LRRC7: variants seen among roughly 807,000 people sequenced by gnomAD.
The protein encoded by LRRC7 is leucine-rich repeat-containing protein 7.
In LRRC7, 23 loss-of-function variants were observed where a neutral mutation model predicts 175.7. The observed-to-expected ratio is 0.13, with a 90% confidence interval of 0.09 to 0.19. The LOEUF (loss-of-function observed/expected upper bound fraction) is 0.19, where lower values mean the gene tolerates loss of function less well. Among genes scored for constraint, LRRC7 ranks in the 10% least tolerant of loss-of-function variants. The pLI is 1.00. For synonymous variants in LRRC7, 685 were observed against 680.9 expected (o/e 1.01, Z -0.09); for missense variants, 1,354 against 1,904.7 (o/e 0.71, Z 5.38).
At chr1:69,671,383 T>C (rs1659051438) in intron 1 of LRRC7, among the ~76,000 whole-genome samples, 1 of 152,116 alleles carries the variant, frequency 6.6e-6, no homozygotes. Context: ...AGACAAAGTT[T>C]TCTTACTCTT....
At chr1:70,104,625 GA>G (rs1309541610) in intron 25 of LRRC7, among the ~76,000 whole-genome samples, 1 of 152,078 alleles carries the variant, frequency 6.6e-6, no homozygotes, top group Non-Finnish European at 1.5e-5. Flanking sequence ...ATAATAAAGT[GA>G]AATCATAAAA....
In LRRC7 at chr1:69,930,864, CATGAG is replaced by C. The variant is rs1237126837; in HGVS notation, c.648-641_648-637del. Among the ~76,000 whole-genome samples, 1,230 of 152,266 alleles carry C rather than the reference CATGAG, an allele frequency of 8.1e-3. 13 individuals carry two copies. Among genetic ancestry groups the C allele is most frequent in the African/African-American group, 0.027 (1,126 of 41,554 alleles). On this transcript the variant is annotated intron_variant, in intron 7 of 26. Transcript: ENST00000651989. Reference sequence around the variant, plus strand: ...CAGATCTCATGAGAATTCTCACTTTCATGAGAACAGCATAGGAGAAACCACCCCCA... The same window carrying C: ...CAGATCTCATGAGAATTCTCACTTTCAACAGCATAGGAGAAACCACCCCCA...
chr1:69,685,358 C>T (rs569154072), intron 2 of LRRC7, among the ~76,000 whole-genome samples: 22 of 151,882 alleles, frequency 1.4e-4, no homozygotes, highest in East Asian at 9.6e-4. Flanking sequence ...ACCAGAAAAA[C>T]CACAGTCTGA....
intron 7 of LRRC7, among the ~76,000 whole-genome samples, chr1:69,928,094 C>T (rs1647147218): frequency 6.6e-6 from 1 of 152,178 alleles, no homozygotes; most frequent in Non-Finnish European, 1.5e-5. Context: ...GCCTGGGTAT[C>T]AGCAGCGGTG....
chr1:69,635,923 A>T (rs905411320), intron 1 of LRRC7, among the ~76,000 whole-genome samples: 1 of 152,068 alleles, frequency 6.6e-6, no homozygotes, highest in African/African-American at 2.4e-5. Context: ...AGCAAAACAC[A>T]TATCAATTTT....
intron 1 of LRRC7, among the ~76,000 whole-genome samples, chr1:69,635,568 C>A (rs1462347118): frequency 2.6e-5 from 4 of 151,950 alleles, no homozygotes; most frequent in Non-Finnish European, 5.9e-5. Context: ...ATTGTTTATC[C>A]ATCTAAAATG....
At chr1:69,919,514 C>G in intron 7 of LRRC7, 1 of 831,922 alleles carries the variant, frequency 1.2e-6, no homozygotes, top group Non-Finnish European at 2.0e-6. Context: ...GGGGAGCCCG[C>G]CAGGGTCCGC....
chr1:69,871,739 A>T (rs996920024), intron 7 of LRRC7, among the ~76,000 whole-genome samples: 2 of 151,944 alleles, frequency 1.3e-5, no homozygotes, highest in Non-Finnish European at 2.9e-5. Context: ...AACACATAAA[A>T]CCCAACTTAT....
intron 1 of LRRC7, among the ~76,000 whole-genome samples, chr1:69,623,004 C>A (rs1650880816): frequency 6.6e-6 from 1 of 152,174 alleles, no homozygotes; most frequent in African/African-American, 2.4e-5. Context: ...ACCAAGTTGT[C>A]TACTGCTGGG....
intron 3 of LRRC7, among the ~76,000 whole-genome samples, chr1:69,760,838 GA>G: frequency 6.6e-6 from 1 of 152,044 alleles, no homozygotes. Flanking sequence ...ATGCTATTAT[GA>G]AAAACATGTT....
At chr1:69,569,231 G>A (rs1422892679) in intron 1 of LRRC7, among the ~76,000 whole-genome samples, 2 of 151,938 alleles carry the variant, frequency 1.3e-5, no homozygotes, top group East Asian at 1.9e-4. Flanking sequence ...GGGGATGGAG[G>A]GGACGAAGGA....
intron 7 of LRRC7, among the ~76,000 whole-genome samples, chr1:69,840,818 G>A (rs940355132): frequency 6.6e-5 from 10 of 151,994 alleles, no homozygotes; most frequent in South Asian, 2.1e-4. Context: ...GTGAACTTCT[G>A]TAAATAACTA....
rs1647374713 is a variant in LRRC7, at chr1:69,931,500, G to A, written c.648-7G>A. 1 of 1,611,556 alleles carries A rather than the reference G, an allele frequency of 6.2e-7. No homozygotes were observed. Among genetic ancestry groups the A allele is most frequent in the Non-Finnish European group, 8.5e-7 (1 of 1,177,870 alleles). ...CTCACAATAGTATTTTTCTCCATCT[G>A]TTGTAGGTCAATGCACAAACTGGCC... On this transcript the variant is annotated splice_region_variant and splice_polypyrimidine_tract_variant and intron_variant, in intron 7 of 26. Coordinates refer to ENST00000651989, the MANE Select transcript of LRRC7 (RefSeq NM_001370785.2).
intron 8 of LRRC7, among the ~76,000 whole-genome samples, chr1:69,954,936 C>G (rs1050252721): frequency 6.6e-6 from 1 of 151,994 alleles, no homozygotes; most frequent in Non-Finnish European, 1.5e-5. Context: ...TGGCAAAGCA[C>G]TATGTGCATG....
intron 3 of LRRC7, among the ~76,000 whole-genome samples, chr1:69,771,607 G>A (rs574860204): frequency 3.6e-4 from 55 of 152,074 alleles, no homozygotes; most frequent in Non-Finnish European, 7.2e-4. Context: ...AAAAACTCAA[G>A]ATTTTAGGTA....
intron 6 of LRRC7, among the ~76,000 whole-genome samples, chr1:69,837,283 G>A (rs1681227534): frequency 6.6e-6 from 1 of 151,894 alleles, no homozygotes. Context: ...TAGAGTCAAT[G>A]AAATATGGTA....
intron 4 of LRRC7, among the ~76,000 whole-genome samples, chr1:69,798,434 T>C (rs72941486): frequency 0.036 from 5,450 of 152,250 alleles, 346 homozygotes; most frequent in African/African-American, 0.12. Context: ...GTTAAGGGTC[T>C]CCCCTCTGTA....
intron 2 of LRRC7, among the ~76,000 whole-genome samples, chr1:69,715,937 C>T (rs1665298649): frequency 6.6e-6 from 1 of 151,764 alleles, no homozygotes; most frequent in South Asian, 2.1e-4. Flanking sequence ...CCTTTTATTC[C>T]ACCCTGGATT....
In LRRC7 at chr1:70,134,364, G is replaced by C. The variant is rs574794487; in HGVS notation, c.*12477G>C. ...TGAAATTCCAGGGCCTCTGATGGCT[G>C]GATCATTGCTAAAAAGGCCAAATGT... On this transcript the variant is annotated 3_prime_UTR_variant, in exon 27 of 27. Transcript: ENST00000651989. Among the ~76,000 whole-genome samples the C allele has an allele frequency of 6.6e-6, 1 of 152,076 alleles. No individual in the cohort carries two copies. Among genetic ancestry groups the C allele is most frequent in the Non-Finnish European group, 1.5e-5 (1 of 67,998 alleles).
Sources: gnomAD v4.1 joint callset for allele counts (sites outside exome capture counted in the v4.1 genomes callset) on GRCh38, gnomAD v4.1.1 for gene constraint, MANE v1.5 for transcripts, NCBI Gene and HGNC (gene_info 2026-07-23, HGNC 2026-07-21) for gene names.